The following C3 variants were observed in gnomAD, a reference collection of about 807,000 sequenced individuals.
C3 encodes C3 and PZP-like alpha-2-macroglobulin domain-containing protein 1.
C3 carries 97 observed loss-of-function variants against 207.9 expected under a neutral mutation model. The ratio of observed to expected loss-of-function variants is 0.47; its 90% CI spans 0.40 to 0.55. C3 has a LOEUF of 0.55. Ranked by LOEUF, C3 falls within the 20% of genes least tolerant of loss-of-function variation. The pLI, the probability that C3 is intolerant of heterozygous loss-of-function variation, is 0.00. For synonymous variants in C3, 848 were observed against 857.6 expected, an observed-to-expected ratio of 0.99 and a Z score of 0.20; for missense variants, 1,684 against 2,171.7, an observed-to-expected ratio of 0.78 and a Z score of 4.46.
At chr19:6,712,228 T>A in intron 11 of C3, 29 bp downstream of exon 11, 2 of 1,612,624 alleles carry the variant, frequency 1.2e-6, no homozygotes, top group Middle Eastern at 2.0e-4. Context: ...TTCCCAGTGA[T>A]GGGGTTCCGA....
intron 32 of C3, 58 bp downstream of exon 32, chr19:6,684,502 G>A: frequency 6.4e-7 from 1 of 1,563,666 alleles, no homozygotes; most frequent in Non-Finnish European, 8.8e-7. Context: ...CAGGAGCGGG[G>A]AAGACATTAG....
intron 27 of C3, among the ~76,000 whole-genome samples, chr19:6,687,833 G>A (rs1235850758): frequency 6.7e-6 from 1 of 149,936 alleles, no homozygotes; most frequent in Non-Finnish European, 1.5e-5. Context: ...TGTTTGTTTG[G>A]TTGGTTGGTT....
At position 6,677,862 on chromosome 19, in the gene C3, G is replaced by A. The variant is rs377116496; in HGVS notation, c.*20C>T. 1 of 1,613,778 alleles carries A rather than the reference G, an allele frequency of 6.2e-7. No individual in the cohort carries two copies. The highest frequency in any genetic ancestry group is 8.5e-7 in the Non-Finnish European group (1 of 1,179,984). ...AGATATAACTGAAGCTTTATCTGGA[G>A]TGGGGGAATGGGGGTGTGGTCAGTT... On this transcript the variant is annotated 3_prime_UTR_variant, in exon 41 of 41. Transcript: ENST00000245907.
chr19:6,713,472 CA>C lies in C3; in HGVS notation c.810del (p.Phe270LeufsTer33). On this transcript the variant is annotated frameshift_variant, in exon 8 of 41. Coordinates refer to ENST00000245907, the MANE Select transcript of C3 (RefSeq NM_000064.4). LOFTEE classifies it high-confidence loss of function. ...TCGCCATCCTGGATCCCGAAGATGA[CA>C]AAGGCAGTTCCCTCCACTTTCTTCC... ...LYGKKVEGTA[F>X]VIFGIQDGEQ... The C allele has an allele frequency of 3.1e-6, 5 of 1,613,912 alleles. No individual in the cohort carries two copies. Among genetic ancestry groups the C allele is most frequent in the Non-Finnish European group, 4.2e-6 (5 of 1,179,928 alleles).
chr19:6,682,390 TA>T, intron 33 of C3, 161 bp from the exon 34 acceptor site: 1 of 673,252 alleles, frequency 1.5e-6, no homozygotes, highest in East Asian at 2.8e-5. Flanking sequence ...CCAAAGGAAA[TA>T]AAAAGCAAGG....
At chr19:6,692,853 C>T (rs893006590) in intron 26 of C3, 71 bp downstream of exon 26, 20 of 1,563,232 alleles carry the variant, frequency 1.3e-5, no homozygotes, top group African/African-American at 1.1e-4. Flanking sequence ...AGGTGGGGCT[C>T]TCTCTCGTGT....
In C3 at chr19:6,707,229, T is replaced by C; in HGVS notation, c.2092A>G (p.Met698Val). Residue 698 changes from methionine to valine, a missense_variant, in exon 17 of 41, where the codon ATG becomes GTG. Transcript: ENST00000245907. ...KELRKCCEDG[M>V]RENPMRFSCQ... is the part of the protein sequence containing the mutation. ...GAGAACCTCATGGGGTTCTCCCGCA[T>C]GCCGTCCTCGCAGCACTTGCGCAGC... is the stretch of plus-strand genomic sequence containing the variant. 1 of 1,613,438 alleles carries C rather than the reference T, an allele frequency of 6.2e-7. No individual in the cohort carries two copies. Among genetic ancestry groups the C allele is most frequent in the Non-Finnish European group, 8.5e-7 (1 of 1,179,770 alleles).
chr19:6,678,487 G>A lies in C3; in HGVS notation c.4631-32C>T, dbSNP rs751621240. 5.6e-6 allele frequency: 9 copies of A among 1,597,678 alleles called. No homozygotes were observed. In the African/African-American group the frequency reaches 1.1e-4, roughly 19 times the overall value. Reference sequence around the variant, plus strand: ...GGGAGAGGCAGACAGTTTGGGTGGTGGGCTAGGTTGACCATGAGGGGCACC... The same window carrying A: ...GGGAGAGGCAGACAGTTTGGGTGGTAGGCTAGGTTGACCATGAGGGGCACC... On this transcript the variant is annotated intron_variant, in intron 38 of 40. Coordinates refer to ENST00000245907, the MANE Select transcript of C3 (RefSeq NM_000064.4).
chr19:6,691,808 A>C (rs961686475), intron 26 of C3, among the ~76,000 whole-genome samples: 1 of 152,102 alleles, frequency 6.6e-6, no homozygotes, highest in Admixed American at 6.6e-5. Flanking sequence ...AACATGGTGA[A>C]ACCCCGTCTC....
rs763155610 is a variant in C3 at position 6,697,440 on chromosome 19, G to A, written c.2700C>T (p.Ile900=). The A allele has an allele frequency of 3.7e-6, 6 of 1,613,798 alleles. No individual in the cohort carries two copies. The highest frequency in any genetic ancestry group is 1.1e-5 in the South Asian group (1 of 91,052). ...CCTGCAGGCCGGTCTTTAGCGGCAC[G>A]ATGACATATGGAACGGACAACGAGG... ...PKSSLSVPYV[I]VPLKTGLQEV... Residue 900 remains isoleucine, a synonymous_variant, in exon 21 of 41, where the codon ATC becomes ATT. Transcript: ENST00000245907.
Position 6,700,630 on chromosome 19 carries a change from ATATAT to A in C3, c.2440+1492_2440+1496del, listed in dbSNP as rs1268931344. Reference sequence around the variant, plus strand: ...TTATATATGTAATATATAATATATGATATATTATATATGTAATATATAATATATGA... The same window carrying A: ...TTATATATGTAATATATAATATATGATATATATGTAATATATAATATATGA... On this transcript the variant is annotated intron_variant, in intron 19 of 40. Coordinates refer to ENST00000245907, the MANE Select transcript of C3 (RefSeq NM_000064.4). Among the ~76,000 whole-genome samples the A allele has an allele frequency of 1.3e-4, 3 of 23,296 alleles. 1 individual carries two copies. The highest frequency in any genetic ancestry group is 5.3e-4 in the African/African-American group (2 of 3,748). The allele number at this position is 23,296 out of a possible 152,430, so 15.3% of individuals were successfully genotyped here. A position where few individuals can be genotyped will look rare whatever the true frequency, so the allele number is the denominator to read the frequency against.
intron 27 of C3, among the ~76,000 whole-genome samples, chr19:6,690,201 G>A (rs921465058): frequency 9.2e-5 from 14 of 152,174 alleles, no homozygotes; most frequent in Admixed American, 6.5e-4. Context: ...TCTTAGCTCT[G>A]TATCCCAAGT....
intron 26 of C3, among the ~76,000 whole-genome samples, chr19:6,691,259 G>C (rs550743917): frequency 1.3e-5 from 2 of 152,194 alleles, no homozygotes; most frequent in East Asian, 3.9e-4. Context: ...TCCCCTGTTG[G>C]TCAGGCTGGT....
intron 17 of C3, among the ~76,000 whole-genome samples, chr19:6,704,684 G>A (rs1039762659): frequency 1.3e-5 from 2 of 151,920 alleles, no homozygotes; most frequent in Admixed American, 1.3e-4. Context: ...ACTTGAACAC[G>A]GGAGGCGGAG....
At chr19:6,704,241 C>T (rs1308366896) in intron 17 of C3, among the ~76,000 whole-genome samples, 3 of 151,308 alleles carry the variant, frequency 2.0e-5, no homozygotes, top group African/African-American at 4.9e-5. Context: ...GAGCTGTGAT[C>T]GCACCACTGC....
Position 6,712,465 on chromosome 19 carries a change from C to T in C3, c.1119+43G>A, listed in dbSNP as rs115509404. ...GCAGGCTCAGGGCTGTGGCCGGTGT[C>T]CCCGAAGGGAGGAGTGGGACCCCTT... On this transcript the variant is annotated intron_variant, in intron 10 of 40. Transcript: ENST00000245907. 1.2e-3 allele frequency: 1,980 copies of T among 1,614,056 alleles called. 3 individuals carry two copies. Among genetic ancestry groups the T allele is most frequent in the Non-Finnish European group, 1.5e-3 (1,816 of 1,179,916 alleles).
At chr19:6,709,623 C>CCCCCCCCCCCCCAA in intron 14 of C3, 61 bp downstream of exon 14, 1 of 1,035,802 alleles carries the variant, frequency 9.7e-7, no homozygotes. Flanking sequence ...CCACCCACCT[C>CCCCCCCCCCCCCAA]CCCCAGCCCC....
chr19:6,695,362 A>G (rs759059567), intron 23 of C3, among the ~76,000 whole-genome samples: 10 of 152,076 alleles, frequency 6.6e-5, no homozygotes, highest in Non-Finnish European at 1.5e-4. Context: ...TCTTGCCCCA[A>G]AGCCTTATAG....
At chr19:6,682,292 C>T (rs569469344) in intron 33 of C3, 63 bp from the exon 34 acceptor site, 16 of 1,290,020 alleles carry the variant, frequency 1.2e-5, no homozygotes, top group Non-Finnish European at 1.8e-5. Context: ...GGGTCTGTTC[C>T]TGGACAAGGA....
Sources: allele counts gnomAD v4.1 joint callset (sites outside exome capture counted in the v4.1 genomes callset), GRCh38; gene constraint gnomAD v4.1.1; transcripts MANE v1.5; gene names NCBI Gene and HGNC (gene_info 2026-07-23, HGNC 2026-07-21).